NCK1: variants seen among roughly 807,000 people sequenced by gnomAD.
NCK1 encodes SH2/SH3 adapter protein NCK1.
In NCK1, 19 loss-of-function variants were observed where a neutral mutation model predicts 36.6. The observed-to-expected ratio is 0.52, with a 90% CI of 0.36 to 0.76. NCK1 has a LOEUF of 0.76. NCK1 is among the 30% of genes least tolerant of loss of function. NCK1 has a pLI of 0.00. For synonymous variants in NCK1, 165 were observed against 156.0 expected (o/e 1.06, Z -0.43); for missense variants, 358 against 445.6 (o/e 0.80, Z 1.77).
At chr3:136,884,718 C>CTT (rs72234296) in intron 1 of NCK1, among the ~76,000 whole-genome samples, 1,680 of 145,026 alleles carry the variant, frequency 0.012, 15 homozygotes, top group Non-Finnish European at 0.017. Context: ...CATGCCTGAG[C>CTT]TTTTTTTTTT....
At chr3:136,927,017 C>T (rs1402233615) in intron 1 of NCK1, among the ~76,000 whole-genome samples, 1 of 152,030 alleles carries the variant, frequency 6.6e-6, no homozygotes, top group Non-Finnish European at 1.5e-5. Flanking sequence ...GTCACCCAGG[C>T]CTGGAGTGCA....
intron 1 of NCK1, among the ~76,000 whole-genome samples, chr3:136,876,106 G>A (rs1938763429): frequency 1.3e-5 from 2 of 151,552 alleles, no homozygotes; most frequent in African/African-American, 4.8e-5. Flanking sequence ...TGAAACCAAC[G>A]AGAACAAAGA....
At chr3:136,898,301 G>A (rs1457964146) in intron 1 of NCK1, among the ~76,000 whole-genome samples, 1 of 151,198 alleles carries the variant, frequency 6.6e-6, no homozygotes, top group East Asian at 2.0e-4. Context: ...GGAGGCTGAG[G>A]CATGAGAATC....
intron 1 of NCK1, among the ~76,000 whole-genome samples, chr3:136,915,698 T>G (rs1282268893): frequency 6.6e-6 from 1 of 151,196 alleles, no homozygotes; most frequent in South Asian, 2.1e-4. Context: ...AGGAAGAGAG[T>G]GAAGGTGAAG....
At chr3:136,864,375 C>T (rs1199968955) in intron 1 of NCK1, among the ~76,000 whole-genome samples, 1 of 151,988 alleles carries the variant, frequency 6.6e-6, no homozygotes, top group African/African-American at 2.4e-5. Context: ...CCTGTAATCC[C>T]AGCTACTCGG....
At chr3:136,906,409 C>T (rs1354571586) in intron 1 of NCK1, among the ~76,000 whole-genome samples, 1 of 152,146 alleles carries the variant, frequency 6.6e-6, no homozygotes, top group Non-Finnish European at 1.5e-5. Flanking sequence ...CATGCCTGGC[C>T]TGTGATAAGG....
intron 1 of NCK1, among the ~76,000 whole-genome samples, chr3:136,884,923 G>A (rs904907470): frequency 6.6e-6 from 1 of 151,958 alleles, no homozygotes; most frequent in Admixed American, 6.6e-5. Flanking sequence ...TTTTCACCAC[G>A]TTGGTCAGGC....
At chr3:136,941,280 G>A (rs1050637344) in intron 2 of NCK1, among the ~76,000 whole-genome samples, 5 of 151,464 alleles carry the variant, frequency 3.3e-5, no homozygotes, top group East Asian at 2.0e-4. Flanking sequence ...TGCATGCCAC[G>A]ATGCCTGGCT....
chr3:136,916,069 A>G (rs1939957103), intron 1 of NCK1, among the ~76,000 whole-genome samples: 2 of 152,122 alleles, frequency 1.3e-5, no homozygotes, highest in Non-Finnish European at 2.9e-5. Context: ...AGAATTCATC[A>G]TGGAACAACA....
intron 1 of NCK1, among the ~76,000 whole-genome samples, chr3:136,876,691 G>A (rs913140017): frequency 4.0e-5 from 6 of 151,278 alleles, no homozygotes; most frequent in Non-Finnish European, 8.8e-5. Context: ...ATTTTTTTTA[G>A]GTGGCTAAAA....
At chr3:136,892,061 A>AT (rs1189379686) in intron 1 of NCK1, among the ~76,000 whole-genome samples, 6 of 151,346 alleles carry the variant, frequency 4.0e-5, no homozygotes, top group Non-Finnish European at 7.4e-5. Context: ...TCATTTATTT[A>AT]TTTTTTGTAG....
At chr3:136,896,668 A>G (rs550542346) in intron 1 of NCK1, among the ~76,000 whole-genome samples, 1 of 152,150 alleles carries the variant, frequency 6.6e-6, no homozygotes, top group Admixed American at 6.5e-5. Flanking sequence ...CTAATTAAAA[A>G]AGAATTTTTT....
At chr3:136,940,036 T>C (rs974597314) in intron 2 of NCK1, among the ~76,000 whole-genome samples, 14 of 151,858 alleles carry the variant, frequency 9.2e-5, no homozygotes, top group African/African-American at 3.4e-4. Context: ...ATTTTACTTT[T>C]TATTTTTGTA....
rs200016365 is a variant in NCK1, at chr3:136,945,914, A to G, written c.558A>G (p.Leu186=). 5 of 1,614,072 alleles carry G rather than the reference A, an allele frequency of 3.1e-6. No homozygotes were observed. In the East Asian group the frequency reaches 8.9e-5, roughly 29 times the overall value. ...SEKLAAVVNN[L]NTGQVLHVVQ... ...AATTAGCAGCAGTCGTCAATAACCTAAATACTGGGCAAGTGTTGCATGTGG... is the reference window on the plus strand; with the variant it reads ...AATTAGCAGCAGTCGTCAATAACCTGAATACTGGGCAAGTGTTGCATGTGG... The change falls in exon 3 of 4, where the codon CTA becomes CTG. Residue 186 remains leucine (L), a synonymous_variant. Coordinates refer to ENST00000481752, the MANE Select transcript of NCK1 (RefSeq NM_001291999.2).
intron 1 of NCK1, among the ~76,000 whole-genome samples, chr3:136,874,193 T>C (rs961718716): frequency 2.6e-5 from 4 of 152,218 alleles, no homozygotes; most frequent in African/African-American, 9.6e-5. Context: ...ATACTTTTTT[T>C]GAGATAGAGT....
intron 1 of NCK1, among the ~76,000 whole-genome samples, chr3:136,921,891 C>A (rs1205300462): frequency 6.6e-6 from 1 of 152,196 alleles, no homozygotes; most frequent in Non-Finnish European, 1.5e-5. Flanking sequence ...TCAAGCAATT[C>A]CCCTGCCTCA....
intron 1 of NCK1, among the ~76,000 whole-genome samples, chr3:136,898,404 A>T (rs1205538067): frequency 6.7e-6 from 1 of 149,166 alleles, no homozygotes; most frequent in African/African-American, 2.4e-5. Flanking sequence ...AAAAAAAAAA[A>T]GGTGGATGCA....
rs1940809014 is a variant in NCK1, at chr3:136,945,997, G to A, written c.641G>A (p.Gly214Glu). The change falls in exon 3 of 4, where the codon GGA (glycine) becomes GAA (glutamate). Residue 214 changes from glycine to glutamate, a missense_variant. By Grantham distance (98) the Gly-to-Glu change is moderately conservative. Transcript: ENST00000481752. ...SNDEELNFEK[G>E]DVMDVIEKPE... ...GATGAAGAACTTAATTTCGAGAAAG[G>A]AGATGTAATGGATGTTATTGAAAAA... 6.2e-7 allele frequency: 1 copy of A among 1,613,912 alleles called. No individual in the cohort carries two copies. Among genetic ancestry groups the A allele is most frequent in the Non-Finnish European group, 8.5e-7 (1 of 1,179,992 alleles).
Position 136,905,007 on chromosome 3 carries a change from C to CTT in NCK1, c.-18-22961_-18-22960dup, listed in dbSNP as rs71304270. The stretch of plus-strand genomic sequence containing the variant: ...TTCTGGAATTCCTGTTTGGTTTTTC[C>CTT]TTTTTTTTTTTTTTTTTCTTTTTGA... On this transcript the variant is annotated intron_variant, in intron 1 of 3. Transcript: ENST00000481752. 1.9e-3 allele frequency among the ~76,000 whole-genome samples: 240 copies of CTT among 128,344 alleles called. 1 individual carries two copies. Among genetic ancestry groups the CTT allele is most frequent in the East Asian group, 0.012 (54 of 4,342 alleles). 84.2% of individuals were successfully genotyped at this position (128,344 alleles called of 152,430 possible).
Sources: allele counts gnomAD v4.1 joint callset (sites outside exome capture counted in the v4.1 genomes callset), GRCh38; gene constraint gnomAD v4.1.1; transcripts MANE v1.5; gene names NCBI Gene and HGNC (gene_info 2026-07-23, HGNC 2026-07-21).